Variants in SPATA17 observed in about 807,000 individuals in gnomAD.
SPATA17 encodes spermatogenesis associated 17, also known as spermatogenesis-associated protein 17.
Under a neutral mutation model 62.2 loss-of-function variants are expected in SPATA17, and 53 were observed. That is an observed-to-expected ratio of 0.85 (90% CI 0.68 to 1.07). The LOEUF (loss-of-function observed/expected upper bound fraction) is 1.07, where lower values mean the gene tolerates loss of function less well. SPATA17 is among the 50% of genes least tolerant of loss of function. The pLI is 0.00. For synonymous variants in SPATA17, 146 were observed against 146.8 expected, an observed-to-expected ratio of 0.99 and a Z score of 0.04; for missense variants, 466 against 425.5, an observed-to-expected ratio of 1.10 and a Z score of -0.84.
intron 5 of SPATA17, among the ~76,000 whole-genome samples, 157 bp downstream of exon 5, chr1:217,683,518 A>G (rs1028059699): frequency 7.9e-5 from 12 of 152,166 alleles, no homozygotes; most frequent in African/African-American, 2.7e-4. Flanking sequence ...GGCTCACTGC[A>G]ATCTCCTCCT....
chr1:217,790,650 A>G (rs1244533513), intron 8 of SPATA17, among the ~76,000 whole-genome samples: 1 of 151,944 alleles, frequency 6.6e-6, no homozygotes, highest in Admixed American at 6.6e-5. Context: ...CCGTGGTCTC[A>G]ATCTCCTGAC....
At chr1:217,759,681 C>T (rs1440103347) in intron 6 of SPATA17, among the ~76,000 whole-genome samples, 6 of 151,950 alleles carry the variant, frequency 3.9e-5, no homozygotes, top group Admixed American at 1.3e-4. Context: ...TTCATATAGA[C>T]GGAATAGGGG....
intron 4 of SPATA17, among the ~76,000 whole-genome samples, chr1:217,673,972 C>G (rs182664308): frequency 1.1e-3 from 162 of 152,250 alleles, no homozygotes; most frequent in Middle Eastern, 6.8e-3. Context: ...CTGACCCCAT[C>G]CAGGAAGAAG....
chr1:217,688,158 A>G (rs561442687), intron 5 of SPATA17, among the ~76,000 whole-genome samples: 7 of 152,158 alleles, frequency 4.6e-5, no homozygotes, highest in Non-Finnish European at 7.3e-5. Flanking sequence ...TGAGCCCAGG[A>G]GTCTGAGGAT....
rs567066162 is a variant in SPATA17 at position 217,793,161 on chromosome 1, T to C, written c.873-8557T>C. On this transcript the variant is annotated intron_variant, in intron 8 of 10. Coordinates refer to ENST00000366933, the MANE Select transcript of SPATA17 (RefSeq NM_138796.4). ...GGTGGAATAATCCCTCAGGAGAAAC[T>C]ATATAGAGAGAAGATTACAGATTTC... Among the ~76,000 whole-genome samples, 2 of 151,824 alleles carry C rather than the reference T, an allele frequency of 1.3e-5. 1 individual carries two copies. The highest frequency in any genetic ancestry group is 4.8e-5 in the African/African-American group (2 of 41,434).
intron 5 of SPATA17, among the ~76,000 whole-genome samples, chr1:217,719,163 A>G (rs1672069520): frequency 6.6e-6 from 1 of 152,228 alleles, no homozygotes; most frequent in Admixed American, 6.5e-5. Context: ...TGCAGTGGCC[A>G]CCTCATATGT....
chr1:217,743,976 T>C (rs984056048), intron 6 of SPATA17, among the ~76,000 whole-genome samples: 3 of 152,172 alleles, frequency 2.0e-5, no homozygotes, highest in East Asian at 1.9e-4. Context: ...GTTGAGATAC[T>C]GAGTATCTAG....
At chr1:217,645,561 G>A (rs1670162187) in intron 1 of SPATA17, among the ~76,000 whole-genome samples, 1 of 152,116 alleles carries the variant, frequency 6.6e-6, no homozygotes, top group Non-Finnish European at 1.5e-5. Flanking sequence ...GGTATAGTTT[G>A]TTAAATATTA....
intron 5 of SPATA17, among the ~76,000 whole-genome samples, chr1:217,715,928 A>G (rs1671992849): frequency 6.6e-6 from 1 of 152,134 alleles, no homozygotes; most frequent in African/African-American, 2.4e-5. Flanking sequence ...GCTAATTTGC[A>G]TTTGTTTTCA....
chr1:217,714,774 C>T (rs570851871), intron 5 of SPATA17, among the ~76,000 whole-genome samples: 44 of 152,002 alleles, frequency 2.9e-4, no homozygotes, highest in African/African-American at 4.8e-4. Context: ...CGTGAGCCAC[C>T]GCGCCCAGCC....
At chr1:217,779,793 T>C (rs949765656) in intron 7 of SPATA17, among the ~76,000 whole-genome samples, 2 of 152,122 alleles carry the variant, frequency 1.3e-5, no homozygotes, top group Non-Finnish European at 2.9e-5. Flanking sequence ...CTAATCAGAG[T>C]AGCTTTACTT....
intron 9 of SPATA17, chr1:217,850,685 C>T (rs1373654357): frequency 3.5e-6 from 5 of 1,416,248 alleles, no homozygotes; most frequent in Non-Finnish European, 4.9e-6. Context: ...TCATGTCCAG[C>T]CACAGGAACA....
At chr1:217,843,190 A>G (rs1475551317) in intron 9 of SPATA17, among the ~76,000 whole-genome samples, 1 of 152,154 alleles carries the variant, frequency 6.6e-6, no homozygotes, top group Admixed American at 6.6e-5. Flanking sequence ...GTTCTTGGGC[A>G]CAGCATTCTA....
At chr1:217,764,874 C>T (rs1328913992) in intron 6 of SPATA17, among the ~76,000 whole-genome samples, 1 of 151,980 alleles carries the variant, frequency 6.6e-6, no homozygotes, top group African/African-American at 2.4e-5. Flanking sequence ...GGTATTTTGC[C>T]CGTTCTATAA....
At chr1:217,758,226 A>T (rs556137580) in intron 6 of SPATA17, among the ~76,000 whole-genome samples, 1 of 152,310 alleles carries the variant, frequency 6.6e-6, no homozygotes, top group East Asian at 1.9e-4. Context: ...ACTTCCAATT[A>T]TCAATGAGAC....
At chr1:217,790,895 T>A (rs1259591527) in intron 8 of SPATA17, among the ~76,000 whole-genome samples, 1 of 152,180 alleles carries the variant, frequency 6.6e-6, no homozygotes, top group Non-Finnish European at 1.5e-5. Context: ...CTGGTTCTAT[T>A]TATCATTAAA....
At chr1:217,846,629 A>G (rs1448438719) in intron 9 of SPATA17, among the ~76,000 whole-genome samples, 1 of 152,084 alleles carries the variant, frequency 6.6e-6, no homozygotes, top group East Asian at 1.9e-4. Flanking sequence ...GGATAGAAGA[A>G]CATGTTAATG....
chr1:217,703,846 GC>G (rs1239084008), intron 5 of SPATA17, among the ~76,000 whole-genome samples: 5 of 152,004 alleles, frequency 3.3e-5, no homozygotes, highest in Non-Finnish European at 7.4e-5. Flanking sequence ...TTATATTTGT[GC>G]TAGGAGTAAT....
chr1:217,782,213 T>G lies in SPATA17; in HGVS notation c.763T>G (p.Tyr255Asp). Residue 255 changes from tyrosine to aspartate, a missense_variant, in exon 8 of 11, where the codon TAC becomes GAC. Coordinates refer to ENST00000366933, the MANE Select transcript of SPATA17 (RefSeq NM_138796.4). ...RDITEVLEQR[Y>D]RPLEPTLRVA... ...TATCACCGAAGTATTAGAACAACGCTACAGGCCTTTGGAGCCAACGTTGCG... is the reference window on the plus strand; with the variant it reads ...TATCACCGAAGTATTAGAACAACGCGACAGGCCTTTGGAGCCAACGTTGCG... 1 of 1,612,424 alleles carries G rather than the reference T, an allele frequency of 6.2e-7. No individual in the cohort carries two copies. Among genetic ancestry groups the G allele is most frequent in the Non-Finnish European group, 8.5e-7 (1 of 1,179,160 alleles).
Sources: gnomAD v4.1 joint callset for allele counts (sites outside exome capture counted in the v4.1 genomes callset) on GRCh38, gnomAD v4.1.1 for gene constraint, MANE v1.5 for transcripts, NCBI Gene and HGNC (gene_info 2026-07-23, HGNC 2026-07-21) for gene names.